PCDH8: variants seen among roughly 807,000 people sequenced by gnomAD.
The protein encoded by PCDH8 is protocadherin 8, also known as protocadherin-8.
Under a neutral mutation model 58.2 loss-of-function variants are expected in PCDH8, and 36 were observed. The observed-to-expected ratio is 0.62, with a 90% CI of 0.47 to 0.82. The LOEUF is 0.82. Ranked by LOEUF, PCDH8 falls within the 40% of genes least tolerant of loss-of-function variation. PCDH8 has a pLI of 0.00. For missense variants in PCDH8, 1,493 were observed against 1,567.8 expected, an observed-to-expected ratio of 0.95 and a Z score of 0.81; for synonymous variants, 775 against 728.9, an observed-to-expected ratio of 1.06 and a Z score of -1.02.
In PCDH8 at chr13:52,846,715, T is replaced by A. The variant is rs142341255; in HGVS notation, c.1722A>T (p.Gln574His). ...LRSFDYETLR[Q>H]LDVRIQASDG... The stretch of plus-strand genomic sequence containing the variant: ...CGCTAGCTTGGATGCGAACGTCGAG[T>A]TGGCGCAGCGTCTCATAGTCGAAGC... Residue 574 changes from glutamine (Q) to histidine (H), a missense_variant, in exon 1 of 3, where the codon CAA becomes CAT. Around this residue, in one of 3 missense-constraint regions of PCDH8, gnomAD observed 1,307 missense variants for 1,362.7 expected, o/e 0.96. Coordinates refer to ENST00000377942, the MANE Select transcript of PCDH8 (RefSeq NM_002590.4). The A allele has an allele frequency of 3.4e-5, 54 of 1,595,964 alleles. No individual in the cohort carries two copies. The highest frequency in any genetic ancestry group is 4.3e-4 in the Middle Eastern group (2 of 4,692).
At position 52,843,461 on chromosome 13, in the gene PCDH8, A is replaced by C. The variant is rs1965689393; in HGVS notation, c.*1099T>G. ...GATAGTTACTTTGGAGACTGGCTCCAGAGGAAGGCAAGGAAAGAGGAAGTA... is the reference window on the plus strand; with the variant it reads ...GATAGTTACTTTGGAGACTGGCTCCCGAGGAAGGCAAGGAAAGAGGAAGTA... On this transcript the variant is annotated 3_prime_UTR_variant, in exon 3 of 3. Coordinates refer to ENST00000377942, the MANE Select transcript of PCDH8 (RefSeq NM_002590.4). 1 of 152,238 alleles carries C rather than the reference A, an allele frequency of 6.6e-6. No individual in the cohort carries two copies. Among genetic ancestry groups the C allele is most frequent in the Non-Finnish European group, 1.5e-5 (1 of 68,028 alleles). The allele number at this position is 152,238 out of a possible 1,614,324, so 9.4% of individuals were successfully genotyped here.
rs1391091639 is a variant in PCDH8, at chr13:52,848,304, C to T, written c.133G>A (p.Val45Ile). 2.5e-6 allele frequency: 4 copies of T among 1,613,562 alleles called. No individual in the cohort carries two copies. Among genetic ancestry groups the T allele is most frequent in the East Asian group, 2.2e-5 (1 of 44,886 alleles). The change falls in exon 1 of 3, where the codon GTC becomes ATC. Residue 45 changes from valine to isoleucine, a missense_variant. Physicochemically the swap from Val to Ile is conservative, Grantham distance 29 (BLOSUM62 3). Around this residue, in one of 3 missense-constraint regions of PCDH8, gnomAD observed 1,307 missense variants for 1,362.7 expected, o/e 0.96. Transcript: ENST00000377942. ...AGGTCCTCGGCCAGGGTCCCGATGA[C>T]CGTGCCGGGGGCATCCTCCTCGAAG... Reference protein sequence around the residue: ...STFEEDAPGTVIGTLAEDLHM... With the variant: ...STFEEDAPGTIIGTLAEDLHM...
chr13:52,844,824 C>G lies in PCDH8; in HGVS notation c.2949G>C (p.Gln983His). Residue 983 changes from glutamine (Q) to histidine (H), a missense_variant, in exon 3 of 3, where the codon CAG becomes CAC. This residue lies in a region of PCDH8 where 182 missense variants were observed against 178.9 expected (regional missense o/e 1.02). Transcript: ENST00000377942. Reference sequence around the variant, plus strand: ...ACGTGCTCTTACAGAAGGTTGACATCTGGGCTGGTGGGTGAGGCGATGGAT... The same window carrying G: ...ACGTGCTCTTACAGAAGGTTGACATGTGGGCTGGTGGGTGAGGCGATGGAT... ...NAHPSPHPPA[Q>H]MSTFCKSTSL... The G allele has an allele frequency of 6.2e-7, 1 of 1,612,486 alleles. No homozygotes were observed. The highest frequency in any genetic ancestry group is 8.5e-7 in the Non-Finnish European group (1 of 1,179,234).
rs761982457 is a variant in PCDH8 at position 52,846,217 on chromosome 13, G to A, written c.2220C>T (p.Ser740=). Residue 740 remains serine (S), a synonymous_variant, in exon 1 of 3, where the codon TCC becomes TCT. Transcript: ENST00000377942. The part of the protein sequence containing the change: ...SRPPGSRLGV[S]GSVLQWDTPL... The stretch of plus-strand genomic sequence containing the variant: ...GCGTGTCCCATTGCAGCACCGACCC[G>A]GACACCCCGAGCCGAGAGCCAGGCG... 1.7e-5 allele frequency: 27 copies of A among 1,586,226 alleles called. No individual in the cohort carries two copies. The East Asian group carries it at 5.6e-4, about 33-fold the overall frequency.
rs1185727980 is a variant in PCDH8, at chr13:52,845,607, C to T, written c.2657G>A (p.Gly886Glu). ...AEPYGASPGF[G>E]KEPAPPVAVW... The stretch of plus-strand genomic sequence containing the variant: ...CGCCACAGGGGGCGCCGGCTCCTTT[C>T]CAAAACCCGGGGAGGCACCGTAGGG... The change falls in exon 2 of 3, where the codon GGA becomes GAA. Residue 886 changes from glycine to glutamate, a missense_variant. Gly to Glu is a moderately conservative substitution (Grantham distance 98, BLOSUM62 -2). Transcript: ENST00000377942. 5 of 1,613,950 alleles carry T rather than the reference C, an allele frequency of 3.1e-6. No individual in the cohort carries two copies. The highest frequency in any genetic ancestry group is 1.1e-5 in the South Asian group (1 of 91,088).
rs1390257559 is a variant in PCDH8, at chr13:52,846,556, G to C, written c.1881C>G (p.Thr627=). The part of the protein sequence containing the change: ...GSLEVAVPGR[T]AKDTVVARVQ... ...CACGGGCCACAACCGTGTCCTTTGCGGTGCGCCCAGGCACCGCCACTTCTA... is the reference window on the plus strand; with the variant it reads ...CACGGGCCACAACCGTGTCCTTTGCCGTGCGCCCAGGCACCGCCACTTCTA... The change falls in exon 1 of 3, where the codon ACC becomes ACG. Residue 627 remains threonine, a synonymous_variant. Transcript: ENST00000377942. 3 of 1,602,166 alleles carry C rather than the reference G, an allele frequency of 1.9e-6. No homozygotes were observed. The highest frequency in any genetic ancestry group is 2.5e-6 in the Non-Finnish European group (3 of 1,178,756).
At position 52,847,892 on chromosome 13, in the gene PCDH8, C is replaced by A. The variant is rs1443325029; in HGVS notation, c.545G>T (p.Arg182Leu). 8 of 1,563,120 alleles carry A rather than the reference C, an allele frequency of 5.1e-6. No individual in the cohort carries two copies. The highest frequency in any genetic ancestry group is 2.7e-5 in the African/African-American group (2 of 73,658). The change falls in exon 1 of 3, where the codon CGC becomes CTC. Residue 182 changes from arginine to leucine, a missense_variant. Arg to Leu is a moderately radical substitution (Grantham distance 102). Transcript: ENST00000377942. The part of the protein sequence containing the change: ...VRLAEPHSPF[R>L]VELQTRADGA... ...GTCCGCTCGCGTCTGCAGCTCCACG[C>A]GAAAGGGGCTGTGCGGCTCGGCCAG...
rs927480253 is a variant in PCDH8 at position 52,843,120 on chromosome 13, T to C, written c.*1440A>G. ...GGAGCTCTGCTCACAGAAGACTTGC[T>C]CAGTAAATGTTAGGTCTCATTATGC... On this transcript the variant is annotated 3_prime_UTR_variant, in exon 3 of 3. Coordinates refer to ENST00000377942, the MANE Select transcript of PCDH8 (RefSeq NM_002590.4). 6.6e-6 allele frequency: 1 copy of C among 152,360 alleles called. No homozygotes were observed. The highest frequency in any genetic ancestry group is 2.4e-5 in the African/African-American group (1 of 41,584). 9.4% of individuals were successfully genotyped at this position (152,360 alleles called of 1,614,324 possible). A position where few individuals can be genotyped will look rare whatever the true frequency, so the allele number is the denominator to read the frequency against.
Position 52,844,602 on chromosome 13 carries a change from G to T in PCDH8, c.3171C>A (p.Gly1057=). Residue 1057 remains glycine (G), a synonymous_variant, in exon 3 of 3, where the codon GGC becomes GGA. Transcript: ENST00000377942. ...IGVPLYQSPP[G]RYLSPKKGAN... is the part of the protein sequence containing the mutation. ...CTCCCTTCTTCGGGGACAGGTACCT[G>T]CCAGGAGGGGACTGGTAGAGGGGTA... is the stretch of plus-strand genomic sequence containing the variant. The T allele has an allele frequency of 6.2e-7, 1 of 1,609,518 alleles. No individual in the cohort carries two copies. Among genetic ancestry groups the T allele is most frequent in the East Asian group, 2.2e-5 (1 of 44,848 alleles).
chr13:52,846,194 G>T lies in PCDH8; in HGVS notation c.2243C>A (p.Thr748Lys). 6.3e-7 allele frequency: 1 copy of T among 1,587,554 alleles called. No individual in the cohort carries two copies. The change falls in exon 1 of 3, where the codon ACG (threonine) becomes AAG (lysine). Residue 748 changes from threonine (T) to lysine (K), a missense_variant. Around this residue, in one of 3 missense-constraint regions of PCDH8, gnomAD observed 1,307 missense variants for 1,362.7 expected, o/e 0.96. Transcript: ENST00000377942. ...CAGCACGATGATGACGATCAGCGGC[G>T]TGTCCCATTGCAGCACCGACCCGGA... ...GVSGSVLQWD[T>K]PLIVIIVLAG... is the part of the protein sequence containing the mutation.
rs1288373848 is a variant in PCDH8 at position 52,845,586 on chromosome 13, A to G, written c.2678T>C (p.Val893Ala). 6.2e-7 allele frequency: 1 copy of G among 1,614,062 alleles called. No individual in the cohort carries two copies. The highest frequency in any genetic ancestry group is 8.5e-7 in the Non-Finnish European group (1 of 1,180,018). The change falls in exon 2 of 3, where the codon GTG becomes GCG. Residue 893 changes from valine to alanine, a missense_variant. By Grantham distance (64) the Val-to-Ala change is moderately conservative. This residue lies in a region of PCDH8 where 1,307 missense variants were observed against 1,362.7 expected (regional missense o/e 0.96). Coordinates refer to ENST00000377942, the MANE Select transcript of PCDH8 (RefSeq NM_002590.4). ...PGFGKEPAPP[V>A]AVWKGHSFNT... is the part of the protein sequence containing the mutation. ...GAAGGAGTGTCCTTTCCACACCGCC[A>G]CAGGGGGCGCCGGCTCCTTTCCAAA...
chr13:52,844,547 A>C lies in PCDH8; in HGVS notation c.*13T>G. ...GAGTGACCTGTATATGTGTGAAGAC[A>C]TGCAGCATGGGATTACACATTTTCA... On this transcript the variant is annotated 3_prime_UTR_variant, in exon 3 of 3. Transcript: ENST00000377942. 1 of 1,561,810 alleles carries C rather than the reference A, an allele frequency of 6.4e-7. No individual in the cohort carries two copies. Among genetic ancestry groups the C allele is most frequent in the Non-Finnish European group, 8.7e-7 (1 of 1,153,040 alleles).
chr13:52,848,438 C>T lies in PCDH8; in HGVS notation c.-2G>A, dbSNP rs748320439. The T allele has an allele frequency of 3.1e-6, 5 of 1,588,808 alleles. No homozygotes were observed. In the Admixed American group the frequency reaches 8.6e-5, roughly 27 times the overall value. On this transcript the variant is annotated 5_prime_UTR_variant, in exon 1 of 3. Coordinates refer to ENST00000377942, the MANE Select transcript of PCDH8 (RefSeq NM_002590.4). The stretch of plus-strand genomic sequence containing the variant: ...GCCCCAACGCCTCACAGGACTCATG[C>T]CTCCAGCCTCAAGTGCGATCCGAAA...
At position 52,848,464 on chromosome 13, in the gene PCDH8, G is replaced by T. The variant is rs1965780476; in HGVS notation, c.-28C>A. ...CTCCAGCCTCAAGTGCGATCCGAAA[G>T]GCTAAGGAAGTCTTCTCTGGTTTCC... is the stretch of plus-strand genomic sequence containing the variant. On this transcript the variant is annotated 5_prime_UTR_variant, in exon 1 of 3. Transcript: ENST00000377942. 1 of 1,548,386 alleles carries T rather than the reference G, an allele frequency of 6.5e-7. No individual in the cohort carries two copies. The highest frequency in any genetic ancestry group is 8.7e-7 in the Non-Finnish European group (1 of 1,152,432).
rs768677844 is a variant in PCDH8 at position 52,848,419 on chromosome 13, A to G, written c.18T>C (p.Arg6=). 20 of 1,604,868 alleles carry G rather than the reference A, an allele frequency of 1.2e-5. No individual in the cohort carries two copies. In the South Asian group the frequency reaches 1.3e-4, roughly 11 times the overall value. The stretch of plus-strand genomic sequence containing the variant: ...AGGGGAAAAGGCAGGGGCTGCCCCA[A>G]CGCCTCACAGGACTCATGCCTCCAG... MSPVR[R]WGSPCLFPLQ... is the part of the protein sequence containing the mutation. The change falls in exon 1 of 3, where the codon CGT becomes CGC. Residue 6 remains arginine, a synonymous_variant. Coordinates refer to ENST00000377942, the MANE Select transcript of PCDH8 (RefSeq NM_002590.4).
chr13:52,845,017 C>T, intron 2 of PCDH8, 84 bp from the exon 3 acceptor site: 1 of 1,439,182 alleles, frequency 6.9e-7, no homozygotes, highest in Non-Finnish European at 9.3e-7. Context: ...GCATGTCAGC[C>T]TGGGTCAGGG....
At position 52,843,753 on chromosome 13, in the gene PCDH8, T is replaced by C. The variant is rs968935158; in HGVS notation, c.*807A>G. The stretch of plus-strand genomic sequence containing the variant: ...AGTGAATAAATGAGAGCAGGGATTT[T>C]ATAGACTAATACATATGGAGATGCA... On this transcript the variant is annotated 3_prime_UTR_variant, in exon 3 of 3. Coordinates refer to ENST00000377942, the MANE Select transcript of PCDH8 (RefSeq NM_002590.4). The C allele has an allele frequency of 1.2e-4, 19 of 152,238 alleles. No homozygotes were observed. The highest frequency in any genetic ancestry group is 4.3e-4 in the African/African-American group (18 of 41,476). 9.4% of individuals were successfully genotyped at this position (152,238 alleles called of 1,614,324 possible).
chr13:52,845,863 A>G lies in PCDH8; in HGVS notation c.2574T>C (p.Thr858=). The change falls in exon 1 of 3, where the codon ACT becomes ACC. Residue 858 remains threonine, a synonymous_variant. Coordinates refer to ENST00000377942, the MANE Select transcript of PCDH8 (RefSeq NM_002590.4). ...EVPGSEGGSA[T]GESACHFEGQ... is the part of the protein sequence containing the mutation. Reference sequence around the variant, plus strand: ...CCTCGAAGTGACAGGCGCTTTCCCCAGTGGCGCTGCCGCCCTCTGAGCCCG... The same window carrying G: ...CCTCGAAGTGACAGGCGCTTTCCCCGGTGGCGCTGCCGCCCTCTGAGCCCG... 6.6e-7 allele frequency: 1 copy of G among 1,513,982 alleles called. No homozygotes were observed. 93.8% of individuals were successfully genotyped at this position (1,513,982 alleles called of 1,614,324 possible).
chr13:52,844,240 A>G lies in PCDH8; in HGVS notation c.*320T>C, dbSNP rs1401962811. On this transcript the variant is annotated 3_prime_UTR_variant, in exon 3 of 3. Transcript: ENST00000377942. ...TTCCACTTTAGCTTTTATTATATAA[A>G]AATATAACAAAATTTCATTATATAC... is the stretch of plus-strand genomic sequence containing the variant. The G allele has an allele frequency of 6.0e-6, 1 of 166,424 alleles. No homozygotes were observed. The highest frequency in any genetic ancestry group is 2.4e-5 in the African/African-American group (1 of 42,076). The allele number at this position is 166,424 out of a possible 1,614,324, so 10.3% of individuals were successfully genotyped here.
Sources: allele counts gnomAD v4.1 joint callset, GRCh38; gene constraint gnomAD v4.1.1; regional missense constraint gnomAD v4.1.1; transcripts MANE v1.5; gene names NCBI Gene and HGNC (gene_info 2026-07-23, HGNC 2026-07-21).